The following HTR3C variants were observed in gnomAD, a reference collection of about 807,000 sequenced individuals.
HTR3C encodes the protein 5-hydroxytryptamine receptor 3C, also known as 5-HT3-C.
Under a neutral mutation model 40.5 loss-of-function variants are expected in HTR3C, and 32 were observed. The observed-to-expected ratio is 0.79, with a 90% CI of 0.60 to 1.06. The LOEUF (loss-of-function observed/expected upper bound fraction) is 1.06. Among genes scored for constraint, HTR3C ranks in the 50% least tolerant of loss-of-function variants. HTR3C has a pLI of 0.00. For synonymous variants in HTR3C, 209 were observed against 217.1 expected, an observed-to-expected ratio of 0.96 and a Z score of 0.33; for missense variants, 523 against 556.8, an observed-to-expected ratio of 0.94 and a Z score of 0.61.
At chr3:184,057,473 G>A (rs1560081428) in intron 5 of HTR3C, among the ~76,000 whole-genome samples, 1 of 152,024 alleles carries the variant, frequency 6.6e-6, no homozygotes, top group Non-Finnish European at 1.5e-5. Context: ...AGTGGCTCAC[G>A]CCTGTAATCC....
At chr3:184,057,815 T>A (rs540271588) in intron 5 of HTR3C, among the ~76,000 whole-genome samples, 14 of 152,204 alleles carry the variant, frequency 9.2e-5, no homozygotes, top group Admixed American at 2.6e-4. Context: ...CCGATTAAAT[T>A]GTTCCAGGTG....
chr3:184,055,884 CAAAAAAAAAAAAA>C (rs71185686), intron 3 of HTR3C, among the ~76,000 whole-genome samples: 12 of 30,704 alleles, frequency 3.9e-4, no homozygotes. Flanking sequence ...AATAGCAACT[CAAAAAAAAAAAAA>C]AAAAAAAAAA....
Position 184,059,827 on chromosome 3 carries a change from G to T in HTR3C, c.926-1G>T. 1 of 1,614,014 alleles carries T rather than the reference G, an allele frequency of 6.2e-7. No individual in the cohort carries two copies. Among genetic ancestry groups the T allele is most frequent in the Non-Finnish European group, 8.5e-7 (1 of 1,179,972 alleles). On this transcript the variant is annotated splice_acceptor_variant, in intron 7 of 8. Transcript: ENST00000318351. LOFTEE classifies it high-confidence loss of function. Reference sequence around the variant, plus strand: ...TTATTTATAATTTGCTCTGCCCTCAGGTGTCTACTTCGCCCTGTGCCTGTC... The same window carrying T: ...TTATTTATAATTTGCTCTGCCCTCATGTGTCTACTTCGCCCTGTGCCTGTC...
Position 184,059,572 on chromosome 3 carries a change from T to C in HTR3C, c.857T>C (p.Leu286Pro). 1 of 1,614,116 alleles carries C rather than the reference T, an allele frequency of 6.2e-7. No homozygotes were observed. The highest frequency in any genetic ancestry group is 1.1e-5 in the South Asian group (1 of 91,084). The change falls in exon 7 of 9, where the codon CTG (leucine) becomes CCG (proline). Residue 286 changes from leucine to proline, a missense_variant. Leu to Pro is a moderately conservative substitution (Grantham distance 98). Coordinates refer to ENST00000318351, the MANE Select transcript of HTR3C (RefSeq NM_130770.3). ...CGTGCCCCATTCAAGATAACACTTCTGCTGGGCTACAACGTCTTCCTGCTC... is the reference window on the plus strand; with the variant it reads ...CGTGCCCCATTCAAGATAACACTTCCGCTGGGCTACAACGTCTTCCTGCTC... ...ENRAPFKITLLLGYNVFLLMM... is the reference protein window; with the variant it reads ...ENRAPFKITLPLGYNVFLLMM...
In HTR3C at chr3:184,060,373, G is replaced by A; in HGVS notation, c.*21G>A. ...CCTAGGCAGACATCCCCCCTCTCTG[G>A]CAAACAACAGCTTGGAGTTTCTGCT... On this transcript the variant is annotated 3_prime_UTR_variant, in exon 9 of 9. Coordinates refer to ENST00000318351, the MANE Select transcript of HTR3C (RefSeq NM_130770.3). 1 of 1,613,804 alleles carries A rather than the reference G, an allele frequency of 6.2e-7. No individual in the cohort carries two copies. The highest frequency in any genetic ancestry group is 8.5e-7 in the Non-Finnish European group (1 of 1,179,826).
Position 184,058,534 on chromosome 3 carries a change from G to A in HTR3C, c.667G>A (p.Ala223Thr), listed in dbSNP as rs1462414447. The change falls in exon 6 of 9, where the codon GCC (alanine) becomes ACC (threonine). Residue 223 changes from alanine to threonine, a missense_variant. Ala to Thr is a moderately conservative substitution (Grantham distance 58). Coordinates refer to ENST00000318351, the MANE Select transcript of HTR3C (RefSeq NM_130770.3). ...GTGGGAGCTCTTGGGCATCAACAAG[G>A]CCACCCCAAAGATGTCCATGGGCAA... ...GEWELLGINKATPKMSMGNNL... is the reference protein window; with the variant it reads ...GEWELLGINKTTPKMSMGNNL... The A allele has an allele frequency of 6.2e-7, 1 of 1,613,360 alleles. No individual in the cohort carries two copies. Among genetic ancestry groups the A allele is most frequent in the African/African-American group, 1.3e-5 (1 of 74,854 alleles).
chr3:184,059,930 T>A lies in HTR3C; in HGVS notation c.1028T>A (p.Met343Lys). The A allele has an allele frequency of 6.2e-7, 1 of 1,613,782 alleles. No individual in the cohort carries two copies. The highest frequency in any genetic ancestry group is 8.5e-7 in the Non-Finnish European group (1 of 1,179,986). The change falls in exon 8 of 9, where the codon ATG becomes AAG. Residue 343 changes from methionine (M) to lysine (K), a missense_variant. Met to Lys is a moderately conservative substitution (Grantham distance 95). Transcript: ENST00000318351. ...GTGGCCACCACCCAGCCCCCACCCA[T>A]GCCTAGGTGGCTTCACTCCCTGCTG... is the stretch of plus-strand genomic sequence containing the variant. ...LHVATTQPPP[M>K]PRWLHSLLLH...
chr3:184,054,133 C>T (rs567745603), intron 1 of HTR3C, among the ~76,000 whole-genome samples: 6 of 152,124 alleles, frequency 3.9e-5, no homozygotes, highest in Non-Finnish European at 7.3e-5. Flanking sequence ...AAATAACCCA[C>T]GAGACAACTG....
intron 4 of HTR3C, 64 bp from the exon 5 acceptor site, chr3:184,056,811 C>A: frequency 7.0e-7 from 1 of 1,435,248 alleles, no homozygotes; most frequent in East Asian, 2.3e-5. Context: ...GCAGGGGAGA[C>A]CCCAGAAGGA....
intron 3 of HTR3C, among the ~76,000 whole-genome samples, chr3:184,055,884 C>CAAAAAAAAAAA (rs71185686): frequency 0.016 from 477 of 30,704 alleles, 114 homozygotes; most frequent in Middle Eastern, 0.091. Context: ...AATAGCAACT[C>CAAAAAAAAAAA]AAAAAAAAAA....
chr3:184,060,171 T>C lies in HTR3C; in HGVS notation c.1163T>C (p.Leu388Ser), dbSNP rs758801591. The change falls in exon 9 of 9, where the codon TTA becomes TCA. Residue 388 changes from leucine (L) to serine (S), a missense_variant. By Grantham distance (145) the Leu-to-Ser change is moderately radical (BLOSUM62 -2). Transcript: ENST00000318351. ...ACAGGCCCAAAGGAGCCGGGGGAGT[T>C]AGCAGGGAAGAAGCTGGGACCCAGA... ...HLPGPKEPGE[L>S]AGKKLGPRET... 32 of 1,613,936 alleles carry C rather than the reference T, an allele frequency of 2.0e-5. No individual in the cohort carries two copies. The highest frequency in any genetic ancestry group is 9.9e-5 in the South Asian group (9 of 91,084).
chr3:184,055,884 C>CAAAAAAAAAAAAAAAAAAAAAAAAAA (rs71185686), intron 3 of HTR3C, among the ~76,000 whole-genome samples: 1 of 30,710 alleles, frequency 3.3e-5, no homozygotes, highest in African/African-American at 1.2e-4. Flanking sequence ...AATAGCAACT[C>CAAAAAAAAAAAAAAAAAAAAAAAAAA]AAAAAAAAAA....
rs1560082661 is a variant in HTR3C, at chr3:184,060,314, T to C, written c.1306T>C (p.Ser436Pro). 3 of 1,614,130 alleles carry C rather than the reference T, an allele frequency of 1.9e-6. No individual in the cohort carries two copies. Among genetic ancestry groups the C allele is most frequent in the African/African-American group, 1.3e-5 (1 of 75,038 alleles). The change falls in exon 9 of 9, where the codon TCC becomes CCC. Residue 436 changes from serine to proline, a missense_variant. By Grantham distance (74) the Ser-to-Pro change is moderately conservative. Transcript: ENST00000318351. ...LFRLYLLFMA[S>P]SILTVIVLWN... ...CCGCCTCTACCTGCTCTTCATGGCCTCCTCCATCCTTACTGTCATTGTCCT... is the reference window on the plus strand; with the variant it reads ...CCGCCTCTACCTGCTCTTCATGGCCCCCTCCATCCTTACTGTCATTGTCCT...
chr3:184,060,444 C>G lies in HTR3C; in HGVS notation c.*92C>G. ...CATTTTCCTAATCTTAGCCACTTAT[C>G]CCCAGTGACTACCATGTCCCCTTCT... On this transcript the variant is annotated 3_prime_UTR_variant, in exon 9 of 9. Transcript: ENST00000318351. 1 of 1,467,516 alleles carries G rather than the reference C, an allele frequency of 6.8e-7. No individual in the cohort carries two copies. The highest frequency in any genetic ancestry group is 1.7e-4 in the Middle Eastern group (1 of 5,762). 90.9% of individuals were successfully genotyped at this position (1,467,516 alleles called of 1,614,324 possible).
Position 184,056,804 on chromosome 3 carries a change from G to A in HTR3C, c.390-71G>A, listed in dbSNP as rs1200568895. 37 of 1,385,358 alleles carry A rather than the reference G, an allele frequency of 2.7e-5. No individual in the cohort carries two copies. The South Asian group carries it at 4.8e-4, about 18-fold the overall frequency. 85.8% of individuals were successfully genotyped at this position (1,385,358 alleles called of 1,614,324 possible). On this transcript the variant is annotated intron_variant, in intron 4 of 8. Transcript: ENST00000318351. ...AAGAGCCCAGAAGGAGAGCACAGCA[G>A]GGGAGACCCCAGAAGGAAGGGAGAC... is the stretch of plus-strand genomic sequence containing the variant.
At chr3:184,058,627 G>C in intron 6 of HTR3C, 40 bp downstream of exon 6, 1 of 1,589,886 alleles carries the variant, frequency 6.3e-7, no homozygotes, top group Non-Finnish European at 8.5e-7. Context: ...GATCCCAGCA[G>C]CTCTTTGATT....
At position 184,060,003 on chromosome 3, in the gene HTR3C, G is replaced by A; in HGVS notation, c.1101G>A (p.Lys367=). 6.2e-7 allele frequency: 1 copy of A among 1,613,918 alleles called. No homozygotes were observed. The highest frequency in any genetic ancestry group is 1.7e-5 in the Admixed American group (1 of 60,012). The change falls in exon 8 of 9, where the codon AAG becomes AAA. Residue 367 remains lysine (K), a synonymous_variant. Coordinates refer to ENST00000318351, the MANE Select transcript of HTR3C (RefSeq NM_130770.3). ...GATGCTGTCCCACTGCGCCCCAGAA[G>A]GGAAATAAGGGCCTGGGTCTCACCC... ...PGRCCPTAPQ[K]GNKGLGLTLT...
In HTR3C at chr3:184,054,715, C is replaced by A; in HGVS notation, c.68-6C>A. 1 of 1,584,034 alleles carries A rather than the reference C, an allele frequency of 6.3e-7. No individual in the cohort carries two copies. The highest frequency in any genetic ancestry group is 8.6e-7 in the Non-Finnish European group (1 of 1,166,950). ...CCCTCTCTCACGGAGTCTCTGCTCTCTATAGGAAGAGGCGACGCTTTTACC... is the reference window on the plus strand; with the variant it reads ...CCCTCTCTCACGGAGTCTCTGCTCTATATAGGAAGAGGCGACGCTTTTACC... On this transcript the variant is annotated splice_region_variant and splice_polypyrimidine_tract_variant and intron_variant, in intron 1 of 8. Coordinates refer to ENST00000318351, the MANE Select transcript of HTR3C (RefSeq NM_130770.3).
chr3:184,055,293 G>A lies in HTR3C; in HGVS notation c.235-19G>A. On this transcript the variant is annotated intron_variant, in intron 2 of 8. Coordinates refer to ENST00000318351, the MANE Select transcript of HTR3C (RefSeq NM_130770.3). ...AACCTTTTAACACTAATAATCCTGA[G>A]TGGAAATTTCCTTGTCAGGATGCAC... 1 of 1,585,780 alleles carries A rather than the reference G, an allele frequency of 6.3e-7. No individual in the cohort carries two copies. The highest frequency in any genetic ancestry group is 1.3e-5 in the African/African-American group (1 of 74,496).
Sources: allele counts gnomAD v4.1 joint callset (sites outside exome capture counted in the v4.1 genomes callset), GRCh38; gene constraint gnomAD v4.1.1; transcripts MANE v1.5; gene names NCBI Gene and HGNC (gene_info 2026-07-23, HGNC 2026-07-21).